The following RALGPS2 variants were observed in gnomAD, a reference collection of about 807,000 sequenced individuals.
RALGPS2 encodes the protein Ral GEF with PH domain and SH3 binding motif 2.
A neutral mutation model predicts 86.8 loss-of-function variants in RALGPS2; 43 were observed. The observed-to-expected ratio is 0.50, with a 90% CI of 0.39 to 0.64. The LOEUF (loss-of-function observed/expected upper bound fraction) is 0.64, where lower values mean the gene tolerates loss of function less well. Ranked by LOEUF, RALGPS2 falls within the 30% of genes least tolerant of loss-of-function variation. RALGPS2 has a pLI of 0.00. For missense variants in RALGPS2, 536 were observed against 694.6 expected (o/e 0.77, Z 2.57); for synonymous variants, 243 against 231.3 (o/e 1.05, Z -0.46).
At chr1:178,747,456 C>T in intron 1 of RALGPS2, 1 of 1,595,304 alleles carries the variant, frequency 6.3e-7, no homozygotes. Context: ...ATCTCTTGGT[C>T]ATCTGTTGGC....
chr1:178,732,248 G>T (rs924671340), intron 1 of RALGPS2, among the ~76,000 whole-genome samples: 1 of 151,978 alleles, frequency 6.6e-6, no homozygotes, highest in African/African-American at 2.4e-5. Flanking sequence ...CAGCAGTAAG[G>T]GCTCACTTGA....
chr1:178,784,380 C>G, intron 2 of RALGPS2, 38 bp from the exon 3 acceptor site: 1 of 1,480,596 alleles, frequency 6.8e-7, no homozygotes, highest in Non-Finnish European at 9.3e-7. Context: ...GATTGTGAGA[C>G]AGTATGTAAA....
intron 1 of RALGPS2, among the ~76,000 whole-genome samples, chr1:178,769,707 A>G (rs1259943402): frequency 6.6e-6 from 1 of 152,142 alleles, no homozygotes; most frequent in Non-Finnish European, 1.5e-5. Context: ...TGCACGTCTC[A>G]TTGTCCGGGA....
chr1:178,749,417 C>T (rs984946655), intron 1 of RALGPS2, among the ~76,000 whole-genome samples: 7 of 152,058 alleles, frequency 4.6e-5, no homozygotes, highest in Non-Finnish European at 5.9e-5. Context: ...ACCCAGGAGG[C>T]GGAGGTTGCA....
At chr1:178,727,319 GCTC>G (rs1650081559) in intron 1 of RALGPS2, among the ~76,000 whole-genome samples, 1 of 151,966 alleles carries the variant, frequency 6.6e-6, no homozygotes, top group Admixed American at 6.5e-5. Context: ...CCCGTGTCAG[GCTC>G]CCAAGAAGCT....
At chr1:178,850,735 C>G (rs1657116895) in intron 8 of RALGPS2, 1 of 153,650 alleles carries the variant, frequency 6.5e-6, no homozygotes, top group East Asian at 1.9e-4. Flanking sequence ...CATTATTTGG[C>G]TGAAATTTTA....
At chr1:178,740,270 C>A (rs981587546) in intron 1 of RALGPS2, among the ~76,000 whole-genome samples, 36 of 152,196 alleles carry the variant, frequency 2.4e-4, no homozygotes, top group African/African-American at 8.7e-4. Flanking sequence ...GGCTTGCCCA[C>A]AGTTCCTTTG....
At chr1:178,890,211 C>G (rs1207682999) in intron 14 of RALGPS2, among the ~76,000 whole-genome samples, 1 of 151,954 alleles carries the variant, frequency 6.6e-6, no homozygotes, top group Admixed American at 6.6e-5. Context: ...GTGCTCCCTT[C>G]TCCTTCCTTT....
At chr1:178,792,615 G>A (rs1263397760) in intron 4 of RALGPS2, among the ~76,000 whole-genome samples, 1 of 152,122 alleles carries the variant, frequency 6.6e-6, no homozygotes, top group East Asian at 1.9e-4. Flanking sequence ...CCTGGCCTCA[G>A]TACTGTGCCC....
At chr1:178,786,522 GTATAGTGTTCC>G in intron 4 of RALGPS2, among the ~76,000 whole-genome samples, 1 of 152,036 alleles carries the variant, frequency 6.6e-6, no homozygotes, top group East Asian at 1.9e-4. Flanking sequence ...GTGTGTGTGT[GTATAGTGTTCC>G]TATCATTTTA....
chr1:178,731,051 C>T (rs978006519), intron 1 of RALGPS2, among the ~76,000 whole-genome samples: 8 of 152,152 alleles, frequency 5.3e-5, no homozygotes, highest in Middle Eastern at 3.4e-3. Context: ...CCATATCCTC[C>T]GCTTTCTTGA....
intron 2 of RALGPS2, 76 bp downstream of exon 2, chr1:178,776,897 A>G: frequency 4.4e-6 from 5 of 1,147,168 alleles, no homozygotes; most frequent in Non-Finnish European, 6.4e-6. Context: ...GTTTGTTCAC[A>G]TACTTAAATC....
At position 178,811,404 on chromosome 1, in the gene RALGPS2, G is replaced by T; in HGVS notation, c.387G>T (p.Lys129Asn). ...TGAGCCACTATATTAAAACTGCTAA[G>T]GTAAGAAAAACTTGTGTTTTTATTT... ...EVLSHYIKTAKKLYELNNLHA... is the reference protein window; with the variant it reads ...EVLSHYIKTANKLYELNNLHA... The change falls in exon 6 of 20, where the codon AAG (lysine) becomes AAT (asparagine). Residue 129 changes from lysine to asparagine, a missense_variant and splice_region_variant. Physicochemically the swap from Lys to Asn is moderately conservative, Grantham distance 94. Transcript: ENST00000367635. 1 of 1,525,006 alleles carries T rather than the reference G, an allele frequency of 6.6e-7. No homozygotes were observed. The highest frequency in any genetic ancestry group is 8.7e-7 in the Non-Finnish European group (1 of 1,143,276). The allele number at this position is 1,525,006 out of a possible 1,614,324, so 94.5% of individuals were successfully genotyped here. A position where few individuals can be genotyped will look rare whatever the true frequency, so the allele number is the denominator to read the frequency against.
chr1:178,896,087 A>T (rs563600935), intron 16 of RALGPS2, among the ~76,000 whole-genome samples: 1 of 152,200 alleles, frequency 6.6e-6, no homozygotes, highest in East Asian at 1.9e-4. Context: ...GAAGCCTAGC[A>T]GTTACAGTAC....
At chr1:178,771,517 T>A (rs1456497813) in intron 1 of RALGPS2, among the ~76,000 whole-genome samples, 2 of 152,186 alleles carry the variant, frequency 1.3e-5, no homozygotes, top group African/African-American at 4.8e-5. Context: ...TTGGTGATAA[T>A]AATTTTGATG....
rs976445014 is a variant in RALGPS2, at chr1:178,833,642, T to C, written c.607+92T>C. 10 of 1,469,872 alleles carry C rather than the reference T, an allele frequency of 6.8e-6. No individual in the cohort carries two copies. The African/African-American group carries it at 1.5e-4, about 22-fold the overall frequency. 91.1% of individuals were successfully genotyped at this position (1,469,872 alleles called of 1,614,324 possible). A position where few individuals can be genotyped will look rare whatever the true frequency, so the allele number is the denominator to read the frequency against. On this transcript the variant is annotated intron_variant, in intron 8 of 19. Coordinates refer to ENST00000367635, the MANE Select transcript of RALGPS2 (RefSeq NM_152663.5). ...AAATTCAAGGTATTTTTTAAATGTT[T>C]GTATCTTTTAAATAAATTACTTCAA... is the stretch of plus-strand genomic sequence containing the variant.
chr1:178,808,277 T>G (rs920827425), intron 5 of RALGPS2, 149 bp downstream of exon 5: 1 of 633,160 alleles, frequency 1.6e-6, no homozygotes, highest in African/African-American at 1.9e-5. Flanking sequence ...ATCTCTTTTT[T>G]TCTCTGTAAC....
At chr1:178,869,490 G>A (rs576293677) in intron 8 of RALGPS2, among the ~76,000 whole-genome samples, 1 of 152,180 alleles carries the variant, frequency 6.6e-6, no homozygotes, top group South Asian at 2.1e-4. Flanking sequence ...TTAAATGCCT[G>A]CCTTAAGACA....
At position 178,829,690 on chromosome 1, in the gene RALGPS2, G is replaced by T. The variant is rs113397819; in HGVS notation, c.481-3734G>T. ...TGACTATAGTTAATAAGACTATGTT[G>T]TATACTTGAACTTTTCTGAGAGAGT... is the stretch of plus-strand genomic sequence containing the variant. On this transcript the variant is annotated intron_variant, in intron 7 of 19. Coordinates refer to ENST00000367635, the MANE Select transcript of RALGPS2 (RefSeq NM_152663.5). Among the ~76,000 whole-genome samples the T allele has an allele frequency of 2.2e-3, 341 of 152,028 alleles. 1 individual carries two copies. Among genetic ancestry groups the T allele is most frequent in the African/African-American group, 8.0e-3 (330 of 41,490 alleles).
Sources: gnomAD v4.1 joint callset for allele counts (sites outside exome capture counted in the v4.1 genomes callset) on GRCh38, gnomAD v4.1.1 for gene constraint, MANE v1.5 for transcripts, NCBI Gene and HGNC (gene_info 2026-07-23, HGNC 2026-07-21) for gene names.